The following CORIN variants were observed in gnomAD, a reference collection of about 807,000 sequenced individuals.
CORIN encodes corin, serine peptidase.
In CORIN, 117 loss-of-function variants were observed where a neutral mutation model predicts 125.3. The observed-to-expected ratio is 0.93, with a 90% CI of 0.80 to 1.09. CORIN has a LOEUF of 1.09. Among genes scored for constraint, CORIN ranks in the 50% least tolerant of loss-of-function variants. The pLI is 0.00. For synonymous variants in CORIN, 450 were observed against 466.4 expected (o/e 0.96, Z 0.45); for missense variants, 1,253 against 1,306.7 (o/e 0.96, Z 0.63).
chr4:47,673,794 T>C (rs1724878666), intron 10 of CORIN, among the ~76,000 whole-genome samples: 1 of 152,144 alleles, frequency 6.6e-6, no homozygotes, highest in Admixed American at 6.5e-5. Flanking sequence ...CTGCCTATAA[T>C]CCCAGCACTT....
chr4:47,747,632 A>C (rs1349179476), intron 4 of CORIN, among the ~76,000 whole-genome samples: 2 of 151,764 alleles, frequency 1.3e-5, no homozygotes, highest in Non-Finnish European at 2.9e-5. Flanking sequence ...TCTAAAGTTA[A>C]GTCTTTAATT....
Position 47,665,212 on chromosome 4 carries a change from C to T in CORIN, c.1409G>A (p.Ser470Asn), listed in dbSNP as rs1009199390. Residue 470 changes from serine to asparagine, a missense_variant, in exon 11 of 22, where the codon AGT becomes AAT. By Grantham distance (46) the Ser-to-Asn change is conservative. Transcript: ENST00000273857. ...GCCAAAATAATTTGGATAACTTGTA[C>T]TGTTGTAGGGCAAATTCATGCAGAG... ...LELCMNLPYN[S>N]TSYPNYFGHR... 9.3e-6 allele frequency: 15 copies of T among 1,613,850 alleles called. No individual in the cohort carries two copies. Among genetic ancestry groups the T allele is most frequent in the Non-Finnish European group, 1.2e-5 (14 of 1,179,914 alleles).
intron 5 of CORIN, among the ~76,000 whole-genome samples, chr4:47,694,561 T>C (rs1263145694): frequency 2.0e-5 from 3 of 152,242 alleles, no homozygotes; most frequent in Non-Finnish European, 2.9e-5. Flanking sequence ...CTTGATAAGA[T>C]GAACCTTGTT....
chr4:47,640,725 C>G (rs1723201328), intron 16 of CORIN, among the ~76,000 whole-genome samples: 1 of 152,126 alleles, frequency 6.6e-6, no homozygotes, highest in African/African-American at 2.4e-5. Flanking sequence ...AAACAGGAAC[C>G]TTTCTATTTA....
At chr4:47,675,758 G>A (rs1385798142) in intron 9 of CORIN, among the ~76,000 whole-genome samples, 1 of 152,126 alleles carries the variant, frequency 6.6e-6, no homozygotes, top group Non-Finnish European at 1.5e-5. Context: ...GTTTCATAGA[G>A]ATGGGGGTCT....
chr4:47,705,084 A>G (rs1002995053), intron 5 of CORIN, among the ~76,000 whole-genome samples: 2 of 152,190 alleles, frequency 1.3e-5, no homozygotes, highest in Non-Finnish European at 2.9e-5. Flanking sequence ...TCCCACTTCT[A>G]CCAATGATTA....
In CORIN at chr4:47,826,445, A is replaced by G. The variant is rs114947839; in HGVS notation, c.63+11442T>C. On this transcript the variant is annotated intron_variant, in intron 1 of 21. Coordinates refer to ENST00000273857, the MANE Select transcript of CORIN (RefSeq NM_006587.4). ...TTCACTGGACTAAAGTCAAGGTGTT[A>G]TCAAGGCTGCTTCCTTCTGAAGGCT... 5.6e-3 allele frequency among the ~76,000 whole-genome samples: 859 copies of G among 152,370 alleles called. 5 individuals are homozygous for G. The highest frequency in any genetic ancestry group is 0.019 in the African/African-American group (806 of 41,584).
chr4:47,600,255 T>C lies in CORIN; in HGVS notation c.2905A>G (p.Ile969Val), dbSNP rs1392352287. The stretch of plus-strand genomic sequence containing the variant: ...GTGCCAGACTCATAGCCAGCACATA[T>C]CATCCGAGTGGTGATGGTCTTCATG... ...FDMKTITTRM[I>V]CAGYESGTVD... Residue 969 changes from isoleucine to valine, a missense_variant, in exon 21 of 22, where the codon ATA (isoleucine) becomes GTA (valine). By Grantham distance (29) the Ile-to-Val change is conservative. Transcript: ENST00000273857. 2 of 1,613,786 alleles carry C rather than the reference T, an allele frequency of 1.2e-6. No individual in the cohort carries two copies. The highest frequency in any genetic ancestry group is 1.1e-5 in the South Asian group (1 of 91,030).
chr4:47,700,582 T>A (rs1207062842), intron 5 of CORIN, among the ~76,000 whole-genome samples: 1 of 152,214 alleles, frequency 6.6e-6, no homozygotes, highest in Non-Finnish European at 1.5e-5. Flanking sequence ...CTAGCTTTCA[T>A]TCCTCAGAGA....
chr4:47,815,842 C>T (rs895252741), intron 1 of CORIN, among the ~76,000 whole-genome samples: 2 of 152,078 alleles, frequency 1.3e-5, no homozygotes, highest in African/African-American at 4.8e-5. Flanking sequence ...TTATTCGTTA[C>T]TACATCTCTA....
chr4:47,604,209 C>A (rs967746567), intron 19 of CORIN, among the ~76,000 whole-genome samples: 2 of 152,238 alleles, frequency 1.3e-5, no homozygotes, highest in Non-Finnish European at 2.9e-5. Flanking sequence ...ACTTTCTTCA[C>A]TTGGCTTCCA....
intron 4 of CORIN, among the ~76,000 whole-genome samples, chr4:47,745,047 C>T (rs1728600238): frequency 6.6e-6 from 1 of 152,110 alleles, no homozygotes; most frequent in Admixed American, 6.6e-5. Context: ...TATTAACTTC[C>T]CCAGCCTCCC....
chr4:47,677,869 T>C (rs905420999), intron 9 of CORIN, 69 bp downstream of exon 9: 14 of 1,113,038 alleles, frequency 1.3e-5, no homozygotes, highest in Middle Eastern at 2.0e-4. Context: ...CAACTTCAAA[T>C]GTGTTCCTTT....
intron 5 of CORIN, among the ~76,000 whole-genome samples, chr4:47,729,570 G>C (rs1407154043): frequency 6.6e-6 from 1 of 152,122 alleles, no homozygotes; most frequent in Non-Finnish European, 1.5e-5. Context: ...ATGTAGAGTG[G>C]GATGTCTATG....
Position 47,648,750 on chromosome 4 carries a change from G to A in CORIN, c.1844-3556C>T, listed in dbSNP as rs150777458. Among the ~76,000 whole-genome samples, 29 of 152,272 alleles carry A rather than the reference G, an allele frequency of 1.9e-4. No homozygotes were observed. In the East Asian group the frequency reaches 2.3e-3, roughly 12 times the overall value. ...AATTCTCACCCTTTGGAGTGGAGCC[G>A]CTCACAAGGAGGAAGGAGACAAGGT... is the stretch of plus-strand genomic sequence containing the variant. On this transcript the variant is annotated intron_variant, in intron 13 of 21. Coordinates refer to ENST00000273857, the MANE Select transcript of CORIN (RefSeq NM_006587.4).
At chr4:47,798,628 A>G (rs954362378) in intron 2 of CORIN, among the ~76,000 whole-genome samples, 4 of 152,234 alleles carry the variant, frequency 2.6e-5, no homozygotes, top group African/African-American at 7.2e-5. Flanking sequence ...TATTACTTCA[A>G]TATGGCTATA....
chr4:47,720,174 G>A (rs1056107172), intron 5 of CORIN, among the ~76,000 whole-genome samples: 10 of 152,144 alleles, frequency 6.6e-5, no homozygotes, highest in African/African-American at 2.4e-4. Flanking sequence ...CAAAACAAAA[G>A]ACTTCATGAA....
intron 12 of CORIN, among the ~76,000 whole-genome samples, chr4:47,657,438 G>C (rs1724041727): frequency 6.6e-6 from 1 of 151,612 alleles, no homozygotes; most frequent in Non-Finnish European, 1.5e-5. Flanking sequence ...GGGAGGCTGA[G>C]GCAGGAGAAT....
chr4:47,757,444 AT>A, intron 4 of CORIN, among the ~76,000 whole-genome samples: 1 of 152,116 alleles, frequency 6.6e-6, no homozygotes, highest in African/African-American at 2.4e-5. Context: ...AAATACAAAA[AT>A]TAGCCAGGCG....
Sources: gnomAD v4.1 joint callset for allele counts (sites outside exome capture counted in the v4.1 genomes callset) on GRCh38, gnomAD v4.1.1 for gene constraint, MANE v1.5 for transcripts, NCBI Gene and HGNC (gene_info 2026-07-23, HGNC 2026-07-21) for gene names.